FN1: variants seen among roughly 807,000 people sequenced by gnomAD.
The protein encoded by FN1 is fibronectin.
FN1 carries 106 observed loss-of-function variants against 297.3 expected under a neutral mutation model. The ratio of observed to expected loss-of-function variants is 0.36; its 90% CI spans 0.30 to 0.42. The LOEUF is 0.42. Among genes scored for constraint, FN1 ranks in the 10% least tolerant of loss-of-function variants. The pLI is 1.00. For synonymous variants in FN1, 1,149 were observed against 1,152.6 expected, an observed-to-expected ratio of 1.00 and a Z score of 0.06; for missense variants, 2,690 against 3,124.9, an observed-to-expected ratio of 0.86 and a Z score of 3.32.
rs869185567 is a variant in FN1, at chr2:215,375,404, AC to A, written c.5978-12del. The A allele has an allele frequency of 4.5e-6, 4 of 892,862 alleles. No homozygotes were observed. In the African/African-American group the frequency reaches 7.2e-5, roughly 16 times the overall value. 55.3% of individuals were successfully genotyped at this position (892,862 alleles called of 1,614,324 possible). ...ATGGTGCATCAATGGCTGAAAGAAA[AC>A]AAAATTAAGTCTCTAAGAAGGCAAA... is the stretch of plus-strand genomic sequence containing the variant. On this transcript the variant is annotated splice_polypyrimidine_tract_variant and intron_variant, in intron 37 of 45. Coordinates refer to ENST00000354785, the MANE Select transcript of FN1 (RefSeq NM_212482.4).
At position 215,420,736 on chromosome 2, in the gene FN1, C is replaced by A. The variant is rs747596082; in HGVS notation, c.1612G>T (p.Gly538Trp). The part of the protein sequence containing the change: ...NDTFHKRHEE[G>W]HMLNCTCFGQ... The stretch of plus-strand genomic sequence containing the variant: ...AAGCATGTACAGTTCAGCATGTGCC[C>A]CTCTTCATGACGCTTGTGGAATGTG... The change falls in exon 11 of 46, where the codon GGG (glycine) becomes TGG (tryptophan). Residue 538 changes from glycine (G) to tryptophan (W), a missense_variant. Physicochemically the swap from Gly to Trp is radical, Grantham distance 184 (BLOSUM62 -2). This residue lies in a region of FN1 where 876 missense variants were observed against 1,058.1 expected (regional missense o/e 0.83). Coordinates refer to ENST00000354785, the MANE Select transcript of FN1 (RefSeq NM_212482.4). 1.9e-6 allele frequency: 3 copies of A among 1,613,964 alleles called. No homozygotes were observed. The highest frequency in any genetic ancestry group is 1.3e-5 in the African/African-American group (1 of 74,920).
intron 36 of FN1, among the ~76,000 whole-genome samples, chr2:215,375,998 G>T (rs777761520): frequency 1.3e-5 from 2 of 152,118 alleles, no homozygotes; most frequent in Admixed American, 1.3e-4. Context: ...GCAGAATGGG[G>T]GTCAGCCACT....
At chr2:215,430,966 T>A in intron 4 of FN1, 114 bp from the exon 5 acceptor site, 2 of 1,044,438 alleles carry the variant, frequency 1.9e-6, no homozygotes, top group Non-Finnish European at 2.9e-6. Flanking sequence ...TTTTTTTAAG[T>A]GGCACTCTGT....
Position 215,361,652 on chromosome 2 carries a change from AAAT to A in FN1, c.7363-29_7363-27del, listed in dbSNP as rs755503314. ...CTGTTAAAAAGGAAGAAGGAAAAAA[AAAT>A]TAGTGGCAAATACTGTAAAGTGTAC... On this transcript the variant is annotated intron_variant, in intron 45 of 45. Coordinates refer to ENST00000354785, the MANE Select transcript of FN1 (RefSeq NM_212482.4). 45 of 1,555,434 alleles carry A rather than the reference AAAT, an allele frequency of 2.9e-5. No individual in the cohort carries two copies. The African/African-American group carries it at 5.3e-4, about 18-fold the overall frequency.
chr2:215,408,193 A>G lies in FN1; in HGVS notation c.2433T>C (p.Pro811=), dbSNP rs376219795. Residue 811 remains proline, a synonymous_variant, in exon 17 of 46, where the codon CCT becomes CCC. Transcript: ENST00000354785. The part of the protein sequence containing the change: ...LILSTSQTTA[P]DAPPDTTVDQ... ...CCACAGTCGTGTCAGGAGGGGCATCAGGCGCTAAGAAAGAAAGAAAGTGGG... is the reference window on the plus strand; with the variant it reads ...CCACAGTCGTGTCAGGAGGGGCATCGGGCGCTAAGAAAGAAAGAAAGTGGG... 5.6e-6 allele frequency: 9 copies of G among 1,613,916 alleles called. No individual in the cohort carries two copies. Among genetic ancestry groups the G allele is most frequent in the Non-Finnish European group, 7.6e-6 (9 of 1,179,846 alleles).
At position 215,393,085 on chromosome 2, in the gene FN1, T is replaced by G. The variant is rs2059892448; in HGVS notation, c.3915A>C (p.Ala1305=). 6.2e-7 allele frequency: 1 copy of G among 1,614,142 alleles called. No homozygotes were observed. Among genetic ancestry groups the G allele is most frequent in the Non-Finnish European group, 8.5e-7 (1 of 1,180,028 alleles). ...IIGYRITVVA[A]GEGIPIFEDF... is the part of the protein sequence containing the mutation. ...CTTCAAAAATAGGGATACCTTCTCC[T>G]GCCGCAACTACTGTGATGCGGTACC... is the stretch of plus-strand genomic sequence containing the variant. The change falls in exon 25 of 46, where the codon GCA becomes GCC. Residue 1305 remains alanine, a synonymous_variant. Transcript: ENST00000354785.
chr2:215,401,934 G>A lies in FN1; in HGVS notation c.3253+2455C>T, dbSNP rs1011124421. ...CTATGTATGTTATTATTTTGATGGT[G>A]TTTGGTGGGGGGTGGGGGGACATGA... On this transcript the variant is annotated intron_variant, in intron 20 of 45. Coordinates refer to ENST00000354785, the MANE Select transcript of FN1 (RefSeq NM_212482.4). Among the ~76,000 whole-genome samples the A allele has an allele frequency of 2.0e-5, 3 of 151,008 alleles. No individual in the cohort carries two copies. In the East Asian group the frequency reaches 5.9e-4, roughly 29 times the overall value.
At chr2:215,381,870 G>A (rs2058269682) in intron 32 of FN1, 1 of 357,898 alleles carries the variant, frequency 2.8e-6, no homozygotes, top group Non-Finnish European at 5.4e-6. Context: ...GCTACATGAG[G>A]CACACTTCAA....
At position 215,386,824 on chromosome 2, in the gene FN1, G is replaced by C. The variant is rs770985951; in HGVS notation, c.4477C>G (p.Arg1493Gly). The change falls in exon 28 of 46, where the codon CGA (arginine) becomes GGA (glycine). Residue 1493 changes from arginine (R) to glycine (G), a missense_variant. Coordinates refer to ENST00000354785, the MANE Select transcript of FN1 (RefSeq NM_212482.4). ...HHPEHFSGRPREDRVPHSRNS... is the reference protein window; with the variant it reads ...HHPEHFSGRPGEDRVPHSRNS... ...CGAGAGTGGGGCACCCGATCTTCTC[G>C]AGGTCTCCCACTGAAGTGCTCGGGA... 2.5e-6 allele frequency: 4 copies of C among 1,613,848 alleles called. No individual in the cohort carries two copies. Among genetic ancestry groups the C allele is most frequent in the Non-Finnish European group, 3.4e-6 (4 of 1,179,990 alleles).
intron 34 of FN1, 58 bp downstream of exon 34, chr2:215,379,072 G>A: frequency 5.7e-6 from 8 of 1,410,996 alleles, no homozygotes; most frequent in South Asian, 1.2e-5. Context: ...CACCACCTTA[G>A]AAACTGTGTT....
Position 215,376,592 on chromosome 2 carries a change from C to G in FN1, c.5793G>C (p.Thr1931=). Residue 1931 remains threonine (T), a synonymous_variant, in exon 36 of 46, where the codon ACG becomes ACC. Transcript: ENST00000354785. ...ITISWRTKTE[T]ITGFQVDAVP... is the part of the protein sequence containing the mutation. ...CGGCATCAACTTGGAAGCCAGTGAT[C>G]GTCTCAGTCTTGGTTCTCCAGCTAA... 1 of 1,613,778 alleles carries G rather than the reference C, an allele frequency of 6.2e-7. No individual in the cohort carries two copies. Among genetic ancestry groups the G allele is most frequent in the Non-Finnish European group, 8.5e-7 (1 of 1,179,942 alleles).
chr2:215,362,452 C>T (rs985898079), intron 44 of FN1: 1 of 280,280 alleles, frequency 3.6e-6, no homozygotes, highest in African/African-American at 2.2e-5. Context: ...GACTTGAGAT[C>T]ACATGAAGAA....
rs183787997 is a variant in FN1, at chr2:215,373,290, C to T, written c.6247+32G>A. On this transcript the variant is annotated intron_variant, in intron 39 of 45. Coordinates refer to ENST00000354785, the MANE Select transcript of FN1 (RefSeq NM_212482.4). ...TCATTTGTTATTAGTTTTGTCCTAT[C>T]TTTCTCCTTGTTACCTGCAAGATAC... 412 of 1,548,480 alleles carry T rather than the reference C, an allele frequency of 2.7e-4. 1 individual carries two copies. In the African/African-American group the frequency reaches 5.0e-3, roughly 19 times the overall value.
intron 33 of FN1, 181 bp downstream of exon 33, chr2:215,380,630 T>G (rs1320825509): frequency 1.2e-6 from 1 of 839,088 alleles, no homozygotes; most frequent in Non-Finnish European, 1.9e-6. Context: ...TAATCAGACT[T>G]GTTTCCTTAA....
chr2:215,408,355 A>G lies in FN1; in HGVS notation c.2371T>C (p.Tyr791His). 1.2e-6 allele frequency: 2 copies of G among 1,614,112 alleles called. No individual in the cohort carries two copies. Among genetic ancestry groups the G allele is most frequent in the Non-Finnish European group, 1.7e-6 (2 of 1,179,960 alleles). ...LPGRKYIVNV[Y>H]QISEDGEQSL... ...TGCTCCCCATCCTCAGATATCTGAT[A>G]GACATTTACAATGTATTTTCGGCCA... Residue 791 changes from tyrosine (Y) to histidine (H), a missense_variant, in exon 16 of 46, where the codon TAT (tyrosine) becomes CAT (histidine). Physicochemically the swap from Tyr to His is moderately conservative, Grantham distance 83. This residue lies in a region of FN1 where 876 missense variants were observed against 1,058.1 expected (regional missense o/e 0.83). Transcript: ENST00000354785.
intron 10 of FN1, among the ~76,000 whole-genome samples, chr2:215,421,442 G>A (rs999231346): frequency 6.6e-6 from 1 of 152,152 alleles, no homozygotes; most frequent in African/African-American, 2.4e-5. Flanking sequence ...AACACCACAT[G>A]TAATTATTAC....
chr2:215,416,485 G>C (rs2063451432), intron 12 of FN1, among the ~76,000 whole-genome samples: 1 of 152,136 alleles, frequency 6.6e-6, no homozygotes, highest in African/African-American at 2.4e-5. Context: ...AAATTTTGGA[G>C]ATGTGACTAT....
intron 36 of FN1, 91 bp from the exon 37 acceptor site, chr2:215,375,809 T>A (rs140439994): frequency 1.2e-6 from 1 of 803,816 alleles, no homozygotes; most frequent in African/African-American, 1.7e-5. Flanking sequence ...GGTTCTTCTA[T>A]CATCCCATAT....
Position 215,420,748 on chromosome 2 carries a change from G to A in FN1, c.1600C>T (p.Arg534Cys). The A allele has an allele frequency of 2.5e-6, 4 of 1,613,956 alleles. No homozygotes were observed. The highest frequency in any genetic ancestry group is 3.4e-6 in the Non-Finnish European group (4 of 1,179,890). Reference sequence around the variant, plus strand: ...TTCAGCATGTGCCCCTCTTCATGACGCTTGTGGAATGTGTCGTTCACATTG... The same window carrying A: ...TTCAGCATGTGCCCCTCTTCATGACACTTGTGGAATGTGTCGTTCACATTG... ...TYNVNDTFHKRHEEGHMLNCT... is the reference protein window; with the variant it reads ...TYNVNDTFHKCHEEGHMLNCT... The change falls in exon 11 of 46, where the codon CGT becomes TGT. Residue 534 changes from arginine to cysteine, a missense_variant. Coordinates refer to ENST00000354785, the MANE Select transcript of FN1 (RefSeq NM_212482.4).
Sources: allele counts gnomAD v4.1 joint callset (sites outside exome capture counted in the v4.1 genomes callset), GRCh38; gene constraint gnomAD v4.1.1; regional missense constraint gnomAD v4.1.1; transcripts MANE v1.5; gene names NCBI Gene and HGNC (gene_info 2026-07-23, HGNC 2026-07-21).